The following SYNE1 variants were observed in gnomAD, a reference collection of about 807,000 sequenced individuals.
SYNE1 encodes the protein nesprin-1.
Under a neutral mutation model 1,111.0 loss-of-function variants are expected in SYNE1, and 616 were observed. The ratio of observed to expected loss-of-function variants is 0.55; its 90% CI spans 0.52 to 0.59. SYNE1 has a LOEUF of 0.59. Ranked by LOEUF, SYNE1 falls within the 20% of genes least tolerant of loss-of-function variation. SYNE1 has a pLI of 0.00. For missense variants in SYNE1, 10,006 were observed against 10,417.0 expected (o/e 0.96, Z 1.72); for synonymous variants, 3,855 against 3,825.8 (o/e 1.01, Z -0.28).
intron 11 of SYNE1, among the ~76,000 whole-genome samples, chr6:152,496,323 T>C (rs186529691): frequency 5.3e-5 from 8 of 152,324 alleles, no homozygotes; most frequent in Admixed American, 2.6e-4. Flanking sequence ...TGGCCTGGTG[T>C]ATGACAACAT....
chr6:152,451,070 C>T lies in SYNE1; in HGVS notation c.3163G>A (p.Glu1055Lys). 1 of 1,614,162 alleles carries T rather than the reference C, an allele frequency of 6.2e-7. No individual in the cohort carries two copies. Among genetic ancestry groups the T allele is most frequent in the South Asian group, 1.1e-5 (1 of 91,072 alleles). ...ACCCTGTGCTCTTTAATTATCTTTTCACTGCCTTCCTGGGGCATCAGCTTG... is the reference window on the plus strand; with the variant it reads ...ACCCTGTGCTCTTTAATTATCTTTTTACTGCCTTCCTGGGGCATCAGCTTG... ...ETKLMPQEGS[E>K]KIIKEHRVFF... The change falls in exon 26 of 146, where the codon GAA becomes AAA. Residue 1055 changes from glutamate to lysine, a missense_variant. Coordinates refer to ENST00000367255, the MANE Select transcript of SYNE1 (RefSeq NM_182961.4).
chr6:152,225,873 G>T lies in SYNE1; in HGVS notation c.21199C>A (p.Leu7067Met), dbSNP rs749058571. Residue 7067 changes from leucine (L) to methionine (M), a missense_variant, in exon 116 of 146, where the codon CTG becomes ATG. Leu to Met is a conservative substitution (Grantham distance 15). Transcript: ENST00000367255. ...TCTTTTGCTTTAATCAAATCTTCCA[G>T]ATCCTGAAAGATTTAAAAAATAGTC... ...VQNALKDCQD[L>M]EDLIKAKEKE... 1.2e-6 allele frequency: 2 copies of T among 1,612,288 alleles called. No individual in the cohort carries two copies. Among genetic ancestry groups the T allele is most frequent in the African/African-American group, 1.3e-5 (1 of 74,868 alleles).
chr6:152,632,623 T>A (rs569768266), intron 2 of SYNE1, among the ~76,000 whole-genome samples: 6 of 152,166 alleles, frequency 3.9e-5, no homozygotes, highest in Admixed American at 6.6e-5. Flanking sequence ...TACCAGGAAA[T>A]GCACAGACTT....
rs189711950 is a variant in SYNE1 at position 152,219,689 on chromosome 6, G to A, written c.21862-504C>T. 3.4e-4 allele frequency among the ~76,000 whole-genome samples: 52 copies of A among 152,274 alleles called. No individual in the cohort carries two copies. The East Asian group carries it at 9.3e-3, about 27-fold the overall frequency. On this transcript the variant is annotated intron_variant, in intron 119 of 145. Transcript: ENST00000367255. ...TATATGTGTGGTCACATTATTGCAA[G>A]TACAGCAACCTCCTATCTCAGTAGG...
At chr6:152,276,202 T>G (rs1426032095) in intron 98 of SYNE1, among the ~76,000 whole-genome samples, 1 of 151,856 alleles carries the variant, frequency 6.6e-6, no homozygotes, top group African/African-American at 2.4e-5. Context: ...ACCCGGCTAA[T>G]TTTTGTATTT....
intron 98 of SYNE1, among the ~76,000 whole-genome samples, chr6:152,275,410 T>C (rs1363383886): frequency 2.0e-5 from 3 of 152,230 alleles, no homozygotes; most frequent in African/African-American, 7.2e-5. Flanking sequence ...TTTCAAGTGA[T>C]TATTTACAGA....
intron 3 of SYNE1, among the ~76,000 whole-genome samples, chr6:152,565,502 A>G (rs1343931277): frequency 6.6e-6 from 1 of 152,170 alleles, no homozygotes; most frequent in Non-Finnish European, 1.5e-5. Flanking sequence ...TTACGTGCTA[A>G]GTGTCTGACG....
chr6:152,551,509 G>A (rs1462112901), intron 3 of SYNE1, among the ~76,000 whole-genome samples: 1 of 152,150 alleles, frequency 6.6e-6, no homozygotes, highest in Non-Finnish European at 1.5e-5. Flanking sequence ...AATCTGAGAG[G>A]ATGGGTTTGG....
At chr6:152,520,691 C>T in intron 5 of SYNE1, 149 bp from the exon 6 acceptor site, 3 of 817,366 alleles carry the variant, frequency 3.7e-6, no homozygotes, top group Admixed American at 4.5e-5. Context: ...TTAGCAAATA[C>T]ATAAAGGGGT....
rs774480374 is a variant in SYNE1 at position 152,218,284 on chromosome 6, T to C, written c.22164A>G (p.Thr7388=). ...TAAGTTCTTCCATCCTTTCCTGGAT[T>C]GTGGAGAGGTCAGATGAGTGGCTAG... ...QDPSHSSDLS[T]IQERMEELKG... is the part of the protein sequence containing the mutation. Residue 7388 remains threonine, a synonymous_variant, in exon 121 of 146, where the codon ACA becomes ACG. Coordinates refer to ENST00000367255, the MANE Select transcript of SYNE1 (RefSeq NM_182961.4). 94 of 1,614,026 alleles carry C rather than the reference T, an allele frequency of 5.8e-5. No individual in the cohort carries two copies. Among genetic ancestry groups the C allele is most frequent in the Non-Finnish European group, 7.5e-5 (88 of 1,180,006 alleles).
intron 3 of SYNE1, among the ~76,000 whole-genome samples, chr6:152,567,546 G>A (rs954983976): frequency 6.6e-6 from 1 of 152,058 alleles, no homozygotes; most frequent in African/African-American, 2.4e-5. Context: ...ATCTGCTGAA[G>A]CAAAGGCAAC....
intron 131 of SYNE1, among the ~76,000 whole-genome samples, chr6:152,161,298 G>T (rs541159803): frequency 6.8e-6 from 1 of 146,878 alleles, no homozygotes; most frequent in African/African-American, 2.5e-5. Context: ...TTACTACTAT[G>T]GTAATTTTCT....
At position 152,236,176 on chromosome 6, in the gene SYNE1, C is replaced by T; in HGVS notation, c.20327G>A (p.Trp6776Ter). The T allele has an allele frequency of 1.2e-6, 2 of 1,614,122 alleles. No individual in the cohort carries two copies. Among genetic ancestry groups the T allele is most frequent in the South Asian group, 1.1e-5 (1 of 91,072 alleles). Residue 6776 changes from tryptophan (W) to a stop codon, truncating the protein, a stop_gained, in exon 110 of 146, where the codon TGG (tryptophan) becomes TAG (stop). Transcript: ENST00000367255. LOFTEE classifies it high-confidence loss of function. ...ESQLNQLGECWLSNTNKMSKE... is the reference protein window; with the variant it reads ...ESQLNQLGEC ...AGACATTTTATTGGTGTTACTTAGC[C>T]AGCACTCTCCAAGTTGATTTAGTTG...
intron 82 of SYNE1, 38 bp downstream of exon 82, chr6:152,323,432 CCAAACAAA>C (rs367570905): frequency 6.2e-7 from 1 of 1,601,570 alleles, no homozygotes; most frequent in African/African-American, 1.3e-5. Context: ...GAGCGAGACT[CCAAACAAA>C]CAAACAAACA....
At chr6:152,133,182 TAC>T in intron 143 of SYNE1, 92 bp downstream of exon 143, 1 of 1,162,858 alleles carries the variant, frequency 8.6e-7, no homozygotes. Context: ...TTCTGACAAG[TAC>T]TATATTTAAA....
chr6:152,409,605 C>T lies in SYNE1; in HGVS notation c.6335G>A (p.Arg2112Lys). 1 of 1,613,846 alleles carries T rather than the reference C, an allele frequency of 6.2e-7. No homozygotes were observed. Among genetic ancestry groups the T allele is most frequent in the South Asian group, 1.1e-5 (1 of 91,068 alleles). ...ATCCTCCTGATCTTTTATGGTAGTT[C>T]TGGTTACAATCACACTGCTGGCATT... ...LENASSVIVT[R>K]TTIKDQEDLK... is the part of the protein sequence containing the mutation. Residue 2112 changes from arginine to lysine, a missense_variant, in exon 43 of 146, where the codon AGA (arginine) becomes AAA (lysine). This residue lies in a region of SYNE1 where 4,955 missense variants were observed against 5,017.2 expected (regional missense o/e 0.99). Transcript: ENST00000367255.
chr6:152,129,052 G>C (rs72993700), intron 145 of SYNE1: 12 of 152,398 alleles, frequency 7.9e-5, no homozygotes, highest in Non-Finnish European at 1.6e-4. Flanking sequence ...GTGCTGGACA[G>C]AGCAGAGCTG....
At position 152,249,179 on chromosome 6, in the gene SYNE1, G is replaced by A. The variant is rs780644969; in HGVS notation, c.19554C>T (p.Pro6518=). The A allele has an allele frequency of 2.2e-5, 35 of 1,612,590 alleles. No homozygotes were observed. The East Asian group carries it at 2.2e-4, about 10-fold the overall frequency. ...LQKLANVFEQ[P]VAEQIEAIQQ... ...TAAATACCTCTATTTGTTCTGCTACGGGCTGTTCAAACACATTTGCCAGTT... is the reference window on the plus strand; with the variant it reads ...TAAATACCTCTATTTGTTCTGCTACAGGCTGTTCAAACACATTTGCCAGTT... The change falls in exon 105 of 146, where the codon CCC becomes CCT. Residue 6518 remains proline, a synonymous_variant. Coordinates refer to ENST00000367255, the MANE Select transcript of SYNE1 (RefSeq NM_182961.4).
chr6:152,347,303 A>G, intron 72 of SYNE1, 68 bp from the exon 73 acceptor site: 1 of 1,544,646 alleles, frequency 6.5e-7, no homozygotes, highest in Non-Finnish European at 8.9e-7. Flanking sequence ...ATCAAAGTTT[A>G]AGATAGATTA....
Sources: gnomAD v4.1 joint callset for allele counts (sites outside exome capture counted in the v4.1 genomes callset) on GRCh38, gnomAD v4.1.1 for gene constraint, gnomAD v4.1.1 regional missense constraint, MANE v1.5 for transcripts, NCBI Gene and HGNC (gene_info 2026-07-23, HGNC 2026-07-21) for gene names.